The following CDH18 variants were observed in gnomAD, a reference collection of about 807,000 sequenced individuals.
CDH18 encodes the protein cadherin 18.
CDH18 carries 31 observed loss-of-function variants against 67.9 expected under a neutral mutation model. The observed-to-expected ratio is 0.46, with a 90% confidence interval of 0.34 to 0.62. The LOEUF (loss-of-function observed/expected upper bound fraction) is 0.62, where lower values mean the gene tolerates loss of function less well. Ranked by LOEUF, CDH18 falls within the 20% of genes least tolerant of loss-of-function variation. The pLI, the probability that CDH18 is intolerant of heterozygous loss-of-function variation, is 0.01. For synonymous variants in CDH18, 362 were observed against 347.2 expected (o/e 1.04, Z -0.48); for missense variants, 890 against 975.5 (o/e 0.91, Z 1.17).
At chr5:19,718,394 C>T (rs934672349) in intron 5 of CDH18, among the ~76,000 whole-genome samples, 2 of 151,908 alleles carry the variant, frequency 1.3e-5, no homozygotes, top group Non-Finnish European at 2.9e-5. Context: ...TATTTCCATG[C>T]TTCTTATATA....
intron 1 of CDH18, among the ~76,000 whole-genome samples, chr5:20,435,923 T>A (rs186521474): frequency 3.2e-4 from 49 of 152,164 alleles, no homozygotes; most frequent in East Asian, 2.7e-3. Context: ...ATCATTATTA[T>A]CATCACGTTT....
intron 2 of CDH18, among the ~76,000 whole-genome samples, chr5:20,102,434 A>G (rs1746554362): frequency 1.3e-5 from 2 of 152,172 alleles, no homozygotes; most frequent in Non-Finnish European, 2.9e-5. Context: ...TTATGGGCTC[A>G]TTACCGGCTG....
intron 1 of CDH18, among the ~76,000 whole-genome samples, chr5:20,508,042 C>A (rs1376996053): frequency 6.6e-6 from 1 of 151,856 alleles, no homozygotes; most frequent in Non-Finnish European, 1.5e-5. Flanking sequence ...AAAATAGCTT[C>A]TCTCTAATGA....
intron 1 of CDH18, among the ~76,000 whole-genome samples, chr5:20,455,531 A>ATGTC (rs1750778644): frequency 6.6e-6 from 1 of 152,124 alleles, no homozygotes; most frequent in Non-Finnish European, 1.5e-5. Flanking sequence ...AGAAGAGGGG[A>ATGTC]TAGACGCTAA....
intron 1 of CDH18, among the ~76,000 whole-genome samples, chr5:20,328,960 TA>T (rs78176055): frequency 0.42 from 64,518 of 151,968 alleles, 15,840 homozygotes; most frequent in Middle Eastern, 0.61. Flanking sequence ...TCCCCTGGGT[TA>T]CAGAGTAAGA....
intron 5 of CDH18, among the ~76,000 whole-genome samples, chr5:19,658,363 G>T (rs1462438604): frequency 1.3e-5 from 2 of 152,040 alleles, no homozygotes; most frequent in African/African-American, 4.8e-5. Context: ...AGCAAAGCAG[G>T]TTAAAAAACT....
intron 2 of CDH18, among the ~76,000 whole-genome samples, chr5:20,163,164 G>T (rs895136340): frequency 2.0e-5 from 3 of 151,946 alleles, no homozygotes; most frequent in African/African-American, 7.3e-5. Context: ...ATTTCTTGAG[G>T]TATTTTAAAG....
chr5:20,104,866 C>T (rs1166271569), intron 2 of CDH18, among the ~76,000 whole-genome samples: 2 of 152,140 alleles, frequency 1.3e-5, no homozygotes, highest in Non-Finnish European at 2.9e-5. Context: ...ACACCTACAC[C>T]CACAAACATA....
At chr5:20,291,758 T>C (rs1747121641) in intron 1 of CDH18, among the ~76,000 whole-genome samples, 1 of 152,214 alleles carries the variant, frequency 6.6e-6, no homozygotes, top group Non-Finnish European at 1.5e-5. Context: ...AAAGGTTATA[T>C]AATTAAAGGT....
chr5:20,026,372 C>T (rs969558466), intron 2 of CDH18, among the ~76,000 whole-genome samples: 4 of 152,084 alleles, frequency 2.6e-5, no homozygotes, highest in African/African-American at 4.8e-5. Flanking sequence ...ATATTTCTCA[C>T]GGAATTTCTG....
intron 2 of CDH18, among the ~76,000 whole-genome samples, chr5:19,913,144 CTTTTATG>C (rs1485732164): frequency 1.3e-5 from 2 of 152,030 alleles, no homozygotes; most frequent in Non-Finnish European, 2.9e-5. Context: ...ACACTAGATA[CTTTTATG>C]TTTTATGCTA....
Position 19,906,824 on chromosome 5 carries a change from ATC to A in CDH18, c.-256-67584_-256-67583del, listed in dbSNP as rs1331371012. Among the ~76,000 whole-genome samples the A allele has an allele frequency of 3.3e-5, 5 of 152,070 alleles. No individual in the cohort carries two copies. The East Asian group carries it at 9.7e-4, about 29-fold the overall frequency. On this transcript the variant is annotated intron_variant, in intron 2 of 12. Coordinates refer to ENST00000382275, the MANE Select transcript of CDH18 (RefSeq NM_004934.5). ...GCCATGATAATAATAAATAAATAAA[ATC>A]CACAACCAATCAAGACACAACTATC...
At chr5:20,460,861 C>T (rs1751216465) in intron 1 of CDH18, among the ~76,000 whole-genome samples, 1 of 152,148 alleles carries the variant, frequency 6.6e-6, no homozygotes, top group African/African-American at 2.4e-5. Context: ...ATTTATCAAA[C>T]TTGTCTGTAT....
chr5:19,727,249 T>C (rs1394310898), intron 4 of CDH18, among the ~76,000 whole-genome samples: 2 of 152,166 alleles, frequency 1.3e-5, no homozygotes, highest in Non-Finnish European at 2.9e-5. Flanking sequence ...TGACCTTCTT[T>C]AGAAATAGTA....
chr5:19,975,546 T>C (rs1170431040), intron 2 of CDH18, among the ~76,000 whole-genome samples: 1 of 152,138 alleles, frequency 6.6e-6, no homozygotes, highest in Non-Finnish European at 1.5e-5. Context: ...TTAAACACGA[T>C]TTGATTTGAG....
chr5:20,258,562 C>T (rs1429383624), intron 1 of CDH18, among the ~76,000 whole-genome samples: 2 of 152,138 alleles, frequency 1.3e-5, no homozygotes, highest in Non-Finnish European at 2.9e-5. Flanking sequence ...GATATTGGAT[C>T]AGCAACAAGC....
chr5:19,952,422 T>G (rs894624169), intron 2 of CDH18, among the ~76,000 whole-genome samples: 4 of 152,132 alleles, frequency 2.6e-5, no homozygotes, highest in African/African-American at 9.7e-5. Flanking sequence ...GGTTAGTGAG[T>G]GTTCCAAGAG....
chr5:19,601,635 C>A (rs1183780994), intron 6 of CDH18, among the ~76,000 whole-genome samples: 2 of 151,754 alleles, frequency 1.3e-5, no homozygotes, highest in African/African-American at 4.8e-5. Context: ...CAAAAATAGA[C>A]AGACACTAAA....
chr5:19,698,619 T>C, intron 5 of CDH18, among the ~76,000 whole-genome samples: 1 of 152,048 alleles, frequency 6.6e-6, no homozygotes, highest in East Asian at 1.9e-4. Flanking sequence ...ATCAATGTAA[T>C]AAAAAATATA....
Sources: gnomAD v4.1 joint callset for allele counts (sites outside exome capture counted in the v4.1 genomes callset) on GRCh38, gnomAD v4.1.1 for gene constraint, MANE v1.5 for transcripts, NCBI Gene and HGNC (gene_info 2026-07-23, HGNC 2026-07-21) for gene names.